The following CYP26B1 variants were observed in gnomAD, a reference collection of about 807,000 sequenced individuals.
CYP26B1 encodes cytochrome P450 family 26 subfamily B member 1, also known as cytochrome P450 26B1.
CYP26B1 carries 8 observed loss-of-function variants against 39.1 expected under a neutral mutation model. The ratio of observed to expected loss-of-function variants is 0.20; its 90% CI spans 0.12 to 0.37. CYP26B1 has a LOEUF of 0.37. CYP26B1 is among the 10% of genes least tolerant of loss of function. The pLI is 1.00. For missense variants in CYP26B1, 615 were observed against 707.0 expected (o/e 0.87, Z 1.48); for synonymous variants, 321 against 314.3 (o/e 1.02, Z -0.23).
Position 72,133,281 on chromosome 2 carries a change from C to A in CYP26B1, c.888G>T (p.Ala296=). The A allele has an allele frequency of 6.2e-7, 1 of 1,608,640 alleles. No homozygotes were observed. Among genetic ancestry groups the A allele is most frequent in the Non-Finnish European group, 8.5e-7 (1 of 1,179,674 alleles). The part of the protein sequence containing the change: ...LKDGTLELIF[A]AYATTASAST... ...TGGCGCTGGCCGTGGTGGCATAGGC[C>A]GCAAAGATCAGCTCCAGGGTCCCGT... The change falls in exon 5 of 6, where the codon GCG becomes GCT. Residue 296 remains alanine (A), a synonymous_variant. Coordinates refer to ENST00000001146, the MANE Select transcript of CYP26B1 (RefSeq NM_019885.4).
intron 2 of CYP26B1, among the ~76,000 whole-genome samples, chr2:72,136,018 A>G (rs1676761840): frequency 6.6e-6 from 1 of 152,164 alleles, no homozygotes; most frequent in Non-Finnish European, 1.5e-5. Flanking sequence ...GGGCCACTGT[A>G]CGCAGCCAGT....
At position 72,135,137 on chromosome 2, in the gene CYP26B1, T is replaced by G. The variant is rs112913461; in HGVS notation, c.705+7A>C. 5 of 1,612,402 alleles carry G rather than the reference T, an allele frequency of 3.1e-6. No homozygotes were observed. The South Asian group carries it at 5.5e-5, about 18-fold the overall frequency. On this transcript the variant is annotated splice_region_variant and intron_variant, in intron 3 of 5. Transcript: ENST00000001146. ...TGCTCCTCTCCTCCCAGGCCCTGGG[T>G]GCTCACCCGCCGGTAGCCACTGAAG...
rs1023420049 is a variant in CYP26B1, at chr2:72,144,010, G to T, written c.408C>A (p.Asp136Glu). 2 of 1,613,542 alleles carry T rather than the reference G, an allele frequency of 1.2e-6. No individual in the cohort carries two copies. Among genetic ancestry groups the T allele is most frequent in the Non-Finnish European group, 1.7e-6 (2 of 1,180,040 alleles). ...GPNTVSNSIG[D>E]IHRNKRKVFS... is the part of the protein sequence containing the mutation. ...TTACCTTGCGCTTGTTGCGGTGGAT[G>T]TCGCCAATGGAATTGGACACCGTGT... Residue 136 changes from aspartate (D) to glutamate (E), a missense_variant, in exon 2 of 6, where the codon GAC (aspartate) becomes GAA (glutamate). Physicochemically the swap from Asp to Glu is conservative, Grantham distance 45 (BLOSUM62 2). Transcript: ENST00000001146.
rs978470988 is a variant in CYP26B1 at position 72,131,990 on chromosome 2, G to T, written c.*237C>A. On this transcript the variant is annotated 3_prime_UTR_variant, in exon 6 of 6. Transcript: ENST00000001146. The stretch of plus-strand genomic sequence containing the variant: ...AGCCCCTGCCACGCCCTTCCCAGGG[G>T]CTGAGCTGATGGTAAATGGGGAGTG... 58 of 588,470 alleles carry T rather than the reference G, an allele frequency of 9.9e-5. No homozygotes were observed. Among genetic ancestry groups the T allele is most frequent in the Non-Finnish European group, 1.6e-4 (54 of 330,310 alleles). 36.5% of individuals were successfully genotyped at this position (588,470 alleles called of 1,614,324 possible).
intron 1 of CYP26B1, chr2:72,144,602 G>T: frequency 3.0e-6 from 2 of 674,610 alleles, no homozygotes; most frequent in Non-Finnish European, 3.6e-6. Flanking sequence ...GCCACGGGCT[G>T]GCGAGACCCC....
At chr2:72,145,106 C>G (rs1350861108) in intron 1 of CYP26B1, among the ~76,000 whole-genome samples, 1 of 152,138 alleles carries the variant, frequency 6.6e-6, no homozygotes, top group African/African-American at 2.4e-5. Context: ...GGGCAGCACC[C>G]GGCGCAAAGG....
At chr2:72,145,173 G>A (rs918063827) in intron 1 of CYP26B1, among the ~76,000 whole-genome samples, 1 of 152,162 alleles carries the variant, frequency 6.6e-6, no homozygotes, top group Admixed American at 6.5e-5. Flanking sequence ...GTACCGACTC[G>A]GGCTCCAGAT....
chr2:72,145,250 C>T (rs1677088895), intron 1 of CYP26B1, among the ~76,000 whole-genome samples: 1 of 152,228 alleles, frequency 6.6e-6, no homozygotes, highest in African/African-American at 2.4e-5. Context: ...CCCCTCCTCA[C>T]TTTCCTTTTT....
Position 72,136,197 on chromosome 2 carries a change from G to A in CYP26B1, c.430-778C>T, listed in dbSNP as rs186288547. Reference sequence around the variant, plus strand: ...GTGGGTCTCGCTCATAAGCAGCAACGTCCATCCCACCAGAGTTCAGATGAG... The same window carrying A: ...GTGGGTCTCGCTCATAAGCAGCAACATCCATCCCACCAGAGTTCAGATGAG... On this transcript the variant is annotated intron_variant, in intron 2 of 5. Transcript: ENST00000001146. Among the ~76,000 whole-genome samples the A allele has an allele frequency of 1.1e-3, 166 of 152,262 alleles. 1 individual carries two copies. Among genetic ancestry groups the A allele is most frequent in the African/African-American group, 3.7e-3 (154 of 41,546 alleles).
chr2:72,140,266 G>A (rs1392507012), intron 2 of CYP26B1, among the ~76,000 whole-genome samples: 1 of 152,192 alleles, frequency 6.6e-6, no homozygotes, highest in Admixed American at 6.5e-5. Context: ...GCATGCAGAG[G>A]GAGGTGCCCA....
chr2:72,131,989 G>C lies in CYP26B1; in HGVS notation c.*238C>G, dbSNP rs566441456. 5.2e-4 allele frequency: 306 copies of C among 587,740 alleles called. 1 individual carries two copies. In the African/African-American group the frequency reaches 5.4e-3, roughly 10 times the overall value. 36.4% of individuals were successfully genotyped at this position (587,740 alleles called of 1,614,324 possible). ...GAGCCCCTGCCACGCCCTTCCCAGG[G>C]GCTGAGCTGATGGTAAATGGGGAGT... On this transcript the variant is annotated 3_prime_UTR_variant, in exon 6 of 6. Coordinates refer to ENST00000001146, the MANE Select transcript of CYP26B1 (RefSeq NM_019885.4).
rs954380049 is a variant in CYP26B1, at chr2:72,135,061, C to G, written c.705+83G>C. 11 of 1,605,118 alleles carry G rather than the reference C, an allele frequency of 6.9e-6. No individual in the cohort carries two copies. In the Admixed American group the frequency reaches 1.5e-4, roughly 22 times the overall value. On this transcript the variant is annotated intron_variant, in intron 3 of 5. Transcript: ENST00000001146. ...GTGCCCTGTGCCTAGGTGCCCATCTCAGGGGTCAGGTCAGCCACCCACCCC... is the reference window on the plus strand; with the variant it reads ...GTGCCCTGTGCCTAGGTGCCCATCTGAGGGGTCAGGTCAGCCACCCACCCC...
At position 72,135,160 on chromosome 2, in the gene CYP26B1, A is replaced by C; in HGVS notation, c.689T>G (p.Phe230Cys). Residue 230 changes from phenylalanine (F) to cysteine (C), a missense_variant, in exon 3 of 6, where the codon TTC becomes TGC. By Grantham distance (205) the Phe-to-Cys change is radical. Transcript: ENST00000001146. ...NVFSLPVDLP[F>C]SGYRRGIQAR... ...GGTGCTCACCCGCCGGTAGCCACTG[A>C]AGGGCAGGTCGACAGGCAGGGAGAA... 6.2e-7 allele frequency: 1 copy of C among 1,613,774 alleles called. No individual in the cohort carries two copies. Among genetic ancestry groups the C allele is most frequent in the East Asian group, 2.2e-5 (1 of 44,876 alleles).
At chr2:72,141,741 G>A (rs1410372646) in intron 2 of CYP26B1, among the ~76,000 whole-genome samples, 1 of 152,236 alleles carries the variant, frequency 6.6e-6, no homozygotes, top group African/African-American at 2.4e-5. Flanking sequence ...GGCCCTGAGT[G>A]TTCTAGTCTC....
At chr2:72,139,921 A>G (rs1004408549) in intron 2 of CYP26B1, among the ~76,000 whole-genome samples, 55 of 151,712 alleles carry the variant, frequency 3.6e-4, no homozygotes, top group African/African-American at 1.2e-3. Context: ...TCTACGGTGA[A>G]GTCCACTCTG....
At chr2:72,140,816 A>G (rs1436169057) in intron 2 of CYP26B1, among the ~76,000 whole-genome samples, 2 of 152,128 alleles carry the variant, frequency 1.3e-5, no homozygotes, top group Non-Finnish European at 2.9e-5. Flanking sequence ...TCAGGCCCAG[A>G]AGGTCCTGTA....
rs2104023473 is a variant in CYP26B1 at position 72,130,572 on chromosome 2, T to C, written c.*1655A>G. The C allele has an allele frequency of 6.6e-6, 1 of 152,316 alleles. No individual in the cohort carries two copies. Among genetic ancestry groups the C allele is most frequent in the South Asian group, 2.1e-4 (1 of 4,822 alleles). The allele number at this position is 152,316 out of a possible 1,614,324, so 9.4% of individuals were successfully genotyped here. On this transcript the variant is annotated 3_prime_UTR_variant, in exon 6 of 6. Coordinates refer to ENST00000001146, the MANE Select transcript of CYP26B1 (RefSeq NM_019885.4). ...TCGGGGACTGGCATGTCCTTCATTC[T>C]TCTGTGTTTTCGATTTTCTTGTAAA...
intron 4 of CYP26B1, among the ~76,000 whole-genome samples, chr2:72,134,316 C>T (rs979498029): frequency 2.8e-3 from 15 of 5,296 alleles, no homozygotes; most frequent in African/African-American, 8.1e-3. Flanking sequence ...GCCTAGGGGG[C>T]GGGGGGGAGG....
Position 72,131,217 on chromosome 2 carries a change from C to G in CYP26B1, c.*1010G>C, listed in dbSNP as rs1462768683. ...GCAATGGGCCACATTCCATCTCCAC[C>G]AGGGATAAGGCAGAGGCACCGGACT... On this transcript the variant is annotated 3_prime_UTR_variant, in exon 6 of 6. Transcript: ENST00000001146. The G allele has an allele frequency of 6.6e-6, 1 of 152,482 alleles. No individual in the cohort carries two copies. Among genetic ancestry groups the G allele is most frequent in the East Asian group, 1.9e-4 (1 of 5,184 alleles). 9.4% of individuals were successfully genotyped at this position (152,482 alleles called of 1,614,324 possible).
Sources: allele counts gnomAD v4.1 joint callset (sites outside exome capture counted in the v4.1 genomes callset), GRCh38; gene constraint gnomAD v4.1.1; transcripts MANE v1.5; gene names NCBI Gene and HGNC (gene_info 2026-07-23, HGNC 2026-07-21).